The following ANXA4 variants were observed in gnomAD, a reference collection of about 807,000 sequenced individuals.
ANXA4 encodes 35-beta calcimedin.
In ANXA4, 39 loss-of-function variants were observed where a neutral mutation model predicts 49.8. The observed-to-expected ratio is 0.78, with a 90% confidence interval of 0.61 to 1.02. The LOEUF is 1.02. Ranked by LOEUF, ANXA4 falls within the 50% of genes least tolerant of loss-of-function variation. ANXA4 has a pLI of 0.00. For synonymous variants in ANXA4, 134 were observed against 152.5 expected, an observed-to-expected ratio of 0.88 and a Z score of 0.89; for missense variants, 360 against 410.1, an observed-to-expected ratio of 0.88 and a Z score of 1.05.
chr2:69,762,869 ACT>A (rs1491524069), intron 1 of ANXA4, among the ~76,000 whole-genome samples: 8 of 150,164 alleles, frequency 5.3e-5, no homozygotes, highest in African/African-American at 1.5e-4. Flanking sequence ...TCACTCACAC[ACT>A]CACACACACT....
At chr2:69,649,924 A>AT (rs35212855) in intron 1 of ANXA4, among the ~76,000 whole-genome samples, 901 of 52,046 alleles carry the variant, frequency 0.017, 143 homozygotes, top group African/African-American at 0.029. Context: ...GCCTGGCCTG[A>AT]TTTTTTTTTT....
At chr2:69,727,779 A>G (rs1030201710) in intron 3 of ANXA4, among the ~76,000 whole-genome samples, 1 of 152,206 alleles carries the variant, frequency 6.6e-6, no homozygotes, top group African/African-American at 2.4e-5. Flanking sequence ...ATTGGTACCC[A>G]TCTTCAGAGC....
rs943070981 is a variant in ANXA4 at position 69,825,736 on chromosome 2, T to C, written c.*221T>C. ...CATTTCAAAGCTTATAAGATATAAA[T>C]GGAGATTTTAAAGTAGAAATAAATA... On this transcript the variant is annotated 3_prime_UTR_variant, in exon 13 of 13. Coordinates refer to ENST00000394295, the MANE Select transcript of ANXA4 (RefSeq NM_001153.5). 5 of 392,492 alleles carry C rather than the reference T, an allele frequency of 1.3e-5. No homozygotes were observed. Among genetic ancestry groups the C allele is most frequent in the African/African-American group, 6.2e-5 (3 of 48,298 alleles). The allele number at this position is 392,492 out of a possible 1,614,324, so 24.3% of individuals were successfully genotyped here.
At chr2:69,806,284 G>A in intron 4 of ANXA4, 101 bp from the exon 5 acceptor site, 2 of 763,558 alleles carry the variant, frequency 2.6e-6, no homozygotes, top group African/African-American at 1.7e-5. Flanking sequence ...CAGGCCCCTT[G>A]AAAGGGTCTT....
chr2:69,731,563 A>G (rs1226739120), intron 3 of ANXA4, among the ~76,000 whole-genome samples: 1 of 152,138 alleles, frequency 6.6e-6, no homozygotes, highest in African/African-American at 2.4e-5. Context: ...ATCAGAGCTT[A>G]TTTTCATAAT....
At chr2:69,682,308 T>C (rs993378864) in intron 2 of ANXA4, among the ~76,000 whole-genome samples, 6 of 152,222 alleles carry the variant, frequency 3.9e-5, no homozygotes, top group African/African-American at 1.4e-4. Flanking sequence ...CAATTTCCAT[T>C]TGTTTCAATA....
chr2:69,661,748 A>T (rs1162978319), intron 2 of ANXA4, among the ~76,000 whole-genome samples: 1 of 152,108 alleles, frequency 6.6e-6, no homozygotes, highest in Non-Finnish European at 1.5e-5. Context: ...TCTCGGGGTA[A>T]GAGAGTTTTT....
chr2:69,646,395 A>G (rs1190786306), intron 1 of ANXA4, among the ~76,000 whole-genome samples: 2 of 152,226 alleles, frequency 1.3e-5, no homozygotes, highest in Admixed American at 1.3e-4. Flanking sequence ...CCAGTATAAT[A>G]GTTTACATAG....
rs1488701892 is a variant in ANXA4, at chr2:69,700,864, G to T, written n.767-19910G>T. ...AATCACTTGGTCAAGGGGTATGTAT[G>T]TATTTCTTTCTTTCTTTTCTGATTT... On this transcript the variant is annotated intron_variant and non_coding_transcript_variant, in intron 2 of 3. Transcript: ENST00000418066. 3.3e-5 allele frequency among the ~76,000 whole-genome samples: 5 copies of T among 152,116 alleles called. No individual in the cohort carries two copies. In the East Asian group the frequency reaches 5.8e-4, roughly 18 times the overall value.
intron 2 of ANXA4, chr2:69,700,461 T>A (rs1049440240): frequency 6.6e-6 from 1 of 152,236 alleles, no homozygotes; most frequent in Non-Finnish European, 1.5e-5. Flanking sequence ...TTACTATCAC[T>A]GCCACCATCC....
chr2:69,697,557 A>C (rs1467394476), intron 2 of ANXA4, among the ~76,000 whole-genome samples: 1 of 152,204 alleles, frequency 6.6e-6, no homozygotes, highest in Admixed American at 6.5e-5. Flanking sequence ...TCTGTTTGGC[A>C]CAAGAAGCCT....
At chr2:69,824,689 G>A (rs1674388160) in intron 12 of ANXA4, among the ~76,000 whole-genome samples, 1 of 152,034 alleles carries the variant, frequency 6.6e-6, no homozygotes, top group Non-Finnish European at 1.5e-5. Flanking sequence ...GGGAGAGGGA[G>A]GATGTGATCA....
intron 1 of ANXA4, among the ~76,000 whole-genome samples, chr2:69,757,262 ATATATTTTTTTTTTTTTTTT>A (rs1413090478): frequency 1.4e-4 from 7 of 50,260 alleles, no homozygotes; most frequent in African/African-American, 7.1e-4. Flanking sequence ...ATATATATAT[ATATATTTTTTTTTTTTTTTT>A]TTTTTTTAGG....
intron 3 of ANXA4, among the ~76,000 whole-genome samples, chr2:69,723,636 T>A (rs1405289361): frequency 6.6e-6 from 1 of 152,252 alleles, no homozygotes; most frequent in African/African-American, 2.4e-5. Flanking sequence ...AAATTTCTTA[T>A]GCCGTTTATC....
chr2:69,768,662 A>G (rs1438697814), intron 1 of ANXA4, among the ~76,000 whole-genome samples: 1 of 152,256 alleles, frequency 6.6e-6, no homozygotes, highest in African/African-American at 2.4e-5. Context: ...AACATGAAAC[A>G]TCAGTAAAAC....
intron 1 of ANXA4, among the ~76,000 whole-genome samples, chr2:69,759,876 A>G (rs1352016797): frequency 2.0e-5 from 3 of 152,188 alleles, no homozygotes; most frequent in African/African-American, 4.8e-5. Flanking sequence ...TCTATCGCCC[A>G]GGCTGGAGTG....
At chr2:69,656,701 C>T (rs1676513667) in intron 2 of ANXA4, among the ~76,000 whole-genome samples, 1 of 151,626 alleles carries the variant, frequency 6.6e-6, no homozygotes, top group African/African-American at 2.4e-5. Flanking sequence ...AGGCATGCGC[C>T]ACCACACCCA....
intron 2 of ANXA4, among the ~76,000 whole-genome samples, chr2:69,698,053 G>A (rs1189888037): frequency 2.0e-5 from 3 of 151,962 alleles, no homozygotes; most frequent in Non-Finnish European, 2.9e-5. Context: ...TCACAGATCT[G>A]GAGGCCGAGA....
chr2:69,647,249 T>C (rs7609364), intron 1 of ANXA4, among the ~76,000 whole-genome samples: 1,661 of 152,296 alleles, frequency 0.011, 25 homozygotes, highest in African/African-American at 0.038. Context: ...GCCTGCAGGC[T>C]GCAACCCTTT....
Sources: allele counts gnomAD v4.1 joint callset (sites outside exome capture counted in the v4.1 genomes callset), GRCh38; gene constraint gnomAD v4.1.1; transcripts MANE v1.5; gene names NCBI Gene and HGNC (gene_info 2026-07-23, HGNC 2026-07-21).